FREM1: variants seen among roughly 807,000 people sequenced by gnomAD.
FREM1 encodes FRAS1 related extracellular matrix 1.
A neutral mutation model predicts 210.1 loss-of-function variants in FREM1; 220 were observed. That is an observed-to-expected ratio of 1.05 (90% CI 0.94 to 1.17). The LOEUF is 1.17. FREM1 is among the 50% of genes most tolerant of loss of function. FREM1 has a pLI of 0.00. For missense variants in FREM1, 3,454 were observed against 2,675.5 expected (o/e 1.29, Z -6.42); for synonymous variants, 1,189 against 980.2 (o/e 1.21, Z -3.98).
At position 14,843,371 on chromosome 9, in the gene FREM1, C is replaced by T. The variant is rs75044488; in HGVS notation, c.1394-711G>A. Among the ~76,000 whole-genome samples, 22 of 152,306 alleles carry T rather than the reference C, an allele frequency of 1.4e-4. No individual in the cohort carries two copies. In the East Asian group the frequency reaches 3.1e-3, roughly 21 times the overall value. On this transcript the variant is annotated intron_variant, in intron 8 of 36. Transcript: ENST00000380880. ...TTACACCATCAGCTTCCCTGGTTCT[C>T]GGGCCTTCAGACTAATACCCATGAC...
intron 3 of FREM1, among the ~76,000 whole-genome samples, chr9:14,863,581 TA>T (rs1459100333): frequency 6.6e-6 from 1 of 152,110 alleles, no homozygotes; most frequent in Non-Finnish European, 1.5e-5. Flanking sequence ...AGGATACGGC[TA>T]AAAATTTGCC....
chr9:14,865,305 G>A (rs947817715), intron 2 of FREM1, among the ~76,000 whole-genome samples: 9 of 152,176 alleles, frequency 5.9e-5, no homozygotes, highest in African/African-American at 1.9e-4. Flanking sequence ...GGTGTGAGAA[G>A]TGCCATGTGT....
intron 13 of FREM1, among the ~76,000 whole-genome samples, chr9:14,821,252 G>A (rs1233320853): frequency 6.6e-6 from 1 of 151,636 alleles, no homozygotes; most frequent in Admixed American, 6.6e-5. Flanking sequence ...GCTTTTTGAG[G>A]GACTATTTCA....
At chr9:14,770,561 G>T in intron 26 of FREM1, 44 bp downstream of exon 26, 1 of 1,446,006 alleles carries the variant, frequency 6.9e-7, no homozygotes, top group Non-Finnish European at 9.7e-7. Flanking sequence ...GCCAGCCACT[G>T]GGTATTTTAA....
In FREM1 at chr9:14,842,661, C is replaced by T; in HGVS notation, c.1394-1G>A. The T allele has an allele frequency of 6.2e-7, 1 of 1,610,250 alleles. No individual in the cohort carries two copies. Among genetic ancestry groups the T allele is most frequent in the South Asian group, 1.1e-5 (1 of 90,800 alleles). On this transcript the variant is annotated splice_acceptor_variant, in intron 8 of 36. Coordinates refer to ENST00000380880, the MANE Select transcript of FREM1 (RefSeq NM_001379081.2). LOFTEE classifies it high-confidence loss of function. ...ACGGTGAAGAGAAACCCTTTCCCCC[C>T]TGAGGGAGAGAGCAGAGATGGAGCA...
At chr9:14,897,174 A>T (rs1261988026) in intron 1 of FREM1, among the ~76,000 whole-genome samples, 1 of 152,234 alleles carries the variant, frequency 6.6e-6, no homozygotes, top group African/African-American at 2.4e-5. Context: ...ATAAGCATGT[A>T]TTATGCACTC....
Position 14,770,748 on chromosome 9 carries a change from A to G in FREM1, c.4916T>C (p.Val1639Ala), listed in dbSNP as rs1388947490. Residue 1639 changes from valine (V) to alanine (A), a missense_variant, in exon 26 of 37, where the codon GTG (valine) becomes GCG (alanine). Val to Ala is a moderately conservative substitution (Grantham distance 64). Transcript: ENST00000380880. Reference protein sequence around the residue: ...RITLLHSPSQVGLLKNGCYGI... With the variant: ...RITLLHSPSQAGLLKNGCYGI... The stretch of plus-strand genomic sequence containing the variant: ...GTAGCAGCCATTTTTCAGGAGCCCC[A>G]CTTGAGAAGGGGAATGCAAGAGTGT... 3 of 1,613,420 alleles carry G rather than the reference A, an allele frequency of 1.9e-6. No homozygotes were observed. The highest frequency in any genetic ancestry group is 2.5e-6 in the Non-Finnish European group (3 of 1,179,674).
At chr9:14,756,269 G>A (rs1366845343) in intron 29 of FREM1, 105 bp downstream of exon 29, 1 of 811,592 alleles carries the variant, frequency 1.2e-6, no homozygotes, top group Non-Finnish European at 2.0e-6. Flanking sequence ...GTTTCTAGTT[G>A]GCTAAAGTTG....
chr9:14,754,461 C>T (rs997066167), intron 29 of FREM1, among the ~76,000 whole-genome samples: 2 of 152,120 alleles, frequency 1.3e-5, no homozygotes, highest in African/African-American at 2.4e-5. Context: ...TTTTGCATGT[C>T]GAAGTGAAGG....
chr9:14,837,367 G>A (rs1009194444), intron 10 of FREM1, among the ~76,000 whole-genome samples: 5 of 151,998 alleles, frequency 3.3e-5, no homozygotes, highest in Admixed American at 3.3e-4. Context: ...TCTCTGTACA[G>A]GGGAGCCTCT....
At chr9:14,786,967 A>C (rs1850524759) in intron 23 of FREM1, among the ~76,000 whole-genome samples, 1 of 152,218 alleles carries the variant, frequency 6.6e-6, no homozygotes, top group Non-Finnish European at 1.5e-5. Flanking sequence ...TCTTGCCTTG[A>C]TGCAAGTTTT....
At chr9:14,802,612 C>A (rs2133313273) in intron 19 of FREM1, among the ~76,000 whole-genome samples, 1 of 152,294 alleles carries the variant, frequency 6.6e-6, no homozygotes, top group Non-Finnish European at 1.5e-5. Context: ...TCATTTAGAA[C>A]TTGACAATAT....
rs1280003721 is a variant in FREM1, at chr9:14,875,428, T to G, written c.-267-6184A>C. On this transcript the variant is annotated intron_variant, in intron 1 of 36. Transcript: ENST00000380880. ...TTCTCACTTCATTTCATTCATTTCATCCTCCATCACTGATACCCTTTCTTC... is the reference window on the plus strand; with the variant it reads ...TTCTCACTTCATTTCATTCATTTCAGCCTCCATCACTGATACCCTTTCTTC... 1.3e-5 allele frequency among the ~76,000 whole-genome samples: 2 copies of G among 152,224 alleles called. 1 individual carries two copies. The highest frequency in any genetic ancestry group is 4.8e-5 in the African/African-American group (2 of 41,468).
chr9:14,839,132 G>C (rs1291865289), intron 10 of FREM1, among the ~76,000 whole-genome samples: 1 of 152,208 alleles, frequency 6.6e-6, no homozygotes, highest in Non-Finnish European at 1.5e-5. Flanking sequence ...GGGAGGGGTT[G>C]AGGATAATCT....
At chr9:14,807,462 A>G (rs1430787328) in intron 17 of FREM1, among the ~76,000 whole-genome samples, 2 of 152,194 alleles carry the variant, frequency 1.3e-5, no homozygotes, top group Non-Finnish European at 2.9e-5. Context: ...GAACATATAC[A>G]TAATGCCTAT....
intron 19 of FREM1, 149 bp downstream of exon 19, chr9:14,804,807 A>C (rs1418926583): frequency 8.7e-6 from 5 of 572,640 alleles, no homozygotes; most frequent in African/African-American, 5.6e-5. Flanking sequence ...AAGATTAATA[A>C]TTTTCAAATG....
At position 14,789,074 on chromosome 9, in the gene FREM1, C is replaced by A; in HGVS notation, c.4022G>T (p.Cys1341Phe). 6.2e-7 allele frequency: 1 copy of A among 1,604,378 alleles called. No individual in the cohort carries two copies. Among genetic ancestry groups the A allele is most frequent in the Non-Finnish European group, 8.5e-7 (1 of 1,175,160 alleles). ...DWVPLSPGMK[C>F]TQEEVDLNLL... Reference sequence around the variant, plus strand: ...GTTCAGATCCACTTCCTCCTGAGTGCATTTCATGCCAGGGGAGAGAGGAAC... The same window carrying A: ...GTTCAGATCCACTTCCTCCTGAGTGAATTTCATGCCAGGGGAGAGAGGAAC... The change falls in exon 23 of 37, where the codon TGC becomes TTC. Residue 1341 changes from cysteine (C) to phenylalanine (F), a missense_variant. Cys to Phe is a radical substitution (Grantham distance 205). Transcript: ENST00000380880.
At chr9:14,857,459 T>C in intron 5 of FREM1, 94 bp downstream of exon 5, 1 of 1,080,046 alleles carries the variant, frequency 9.3e-7, no homozygotes, top group Non-Finnish European at 1.4e-6. Context: ...GCACAGGAAC[T>C]CTCCCTGGCA....
intron 10 of FREM1, among the ~76,000 whole-genome samples, chr9:14,831,620 T>C (rs1469576564): frequency 6.6e-6 from 1 of 152,242 alleles, no homozygotes; most frequent in Non-Finnish European, 1.5e-5. Context: ...ACCATTTTTC[T>C]ATGGGTAAAT....
Sources: gnomAD v4.1 joint callset for allele counts (sites outside exome capture counted in the v4.1 genomes callset) on GRCh38, gnomAD v4.1.1 for gene constraint, MANE v1.5 for transcripts, NCBI Gene and HGNC (gene_info 2026-07-23, HGNC 2026-07-21) for gene names.